The following BTRC variants were observed in gnomAD, a reference collection of about 807,000 sequenced individuals.
BTRC encodes F-box/WD repeat-containing protein 1A.
Under a neutral mutation model 85.5 loss-of-function variants are expected in BTRC, and 42 were observed. That is an observed-to-expected ratio of 0.49 (90% CI 0.38 to 0.64). The LOEUF (loss-of-function observed/expected upper bound fraction) is 0.64, where lower values mean the gene tolerates loss of function less well. BTRC is among the 30% of genes least tolerant of loss of function. The pLI is 0.00. For missense variants in BTRC, 594 were observed against 743.5 expected (o/e 0.80, Z 2.34); for synonymous variants, 255 against 263.3 (o/e 0.97, Z 0.30).
At chr10:101,355,904 A>C (rs1454443573) in intron 1 of BTRC, among the ~76,000 whole-genome samples, 3 of 152,214 alleles carry the variant, frequency 2.0e-5, no homozygotes, top group African/African-American at 7.2e-5. Context: ...TAAAATTCTA[A>C]ATATGAAGAA....
chr10:101,503,155 T>C (rs1167182777), intron 4 of BTRC, among the ~76,000 whole-genome samples: 1 of 152,174 alleles, frequency 6.6e-6, no homozygotes, highest in East Asian at 1.9e-4. Context: ...CAAATTATGA[T>C]TTTTTAATGA....
intron 2 of BTRC, among the ~76,000 whole-genome samples, chr10:101,459,985 G>A (rs1317259261): frequency 6.6e-6 from 1 of 152,092 alleles, no homozygotes; most frequent in Non-Finnish European, 1.5e-5. Context: ...CCAGCAAAAA[G>A]TAATTAGGCT....
intron 1 of BTRC, among the ~76,000 whole-genome samples, chr10:101,366,783 TA>T (rs1378392731): frequency 1.6e-4 from 17 of 103,182 alleles, no homozygotes; most frequent in African/African-American, 5.5e-4. Flanking sequence ...TATATATATA[TA>T]TATATTTTTA....
intron 1 of BTRC, among the ~76,000 whole-genome samples, chr10:101,406,681 G>A (rs953999914): frequency 2.0e-5 from 3 of 151,714 alleles, no homozygotes; most frequent in African/African-American, 4.8e-5. Context: ...TTACAGGCAC[G>A]TGCCATCACA....
intron 1 of BTRC, among the ~76,000 whole-genome samples, chr10:101,387,528 C>CTTTGTTTTTTTTTTTTTTTT (rs1943110850): frequency 2.2e-5 from 1 of 45,122 alleles, no homozygotes; most frequent in Non-Finnish European, 3.4e-5. Context: ...CTTCATGGGA[C>CTTTGTTTTTTTTTTTTTTTT]TTTTTTTTTT....
At chr10:101,530,636 C>G (rs2062265996) in intron 6 of BTRC, among the ~76,000 whole-genome samples, 1 of 152,120 alleles carries the variant, frequency 6.6e-6, no homozygotes, top group Non-Finnish European at 1.5e-5. Flanking sequence ...TGTACATATT[C>G]CATTTGTTTA....
intron 2 of BTRC, among the ~76,000 whole-genome samples, chr10:101,438,506 A>G: frequency 6.6e-6 from 1 of 151,284 alleles, no homozygotes; most frequent in East Asian, 1.9e-4. Context: ...TCTCACACAT[A>G]CACATACATA....
At chr10:101,382,291 T>C (rs979661808) in intron 1 of BTRC, among the ~76,000 whole-genome samples, 12 of 152,060 alleles carry the variant, frequency 7.9e-5, no homozygotes, top group African/African-American at 2.9e-4. Flanking sequence ...CCCCTAAGAA[T>C]GTCTTTTACA....
chr10:101,375,976 G>C (rs1473253953), intron 1 of BTRC, among the ~76,000 whole-genome samples: 4 of 152,164 alleles, frequency 2.6e-5, no homozygotes, highest in African/African-American at 9.7e-5. Flanking sequence ...CAGAGTAAAA[G>C]GTGAGGCCTT....
intron 2 of BTRC, among the ~76,000 whole-genome samples, chr10:101,451,213 A>G (rs778653912): frequency 4.6e-5 from 7 of 152,188 alleles, no homozygotes; most frequent in Non-Finnish European, 8.8e-5. Context: ...CAAAATTCGT[A>G]TAATCAGGTT....
chr10:101,468,446 A>T (rs1266354586), intron 3 of BTRC, among the ~76,000 whole-genome samples: 2 of 149,030 alleles, frequency 1.3e-5, no homozygotes, highest in African/African-American at 4.9e-5. Context: ...CATGAGCCCT[A>T]AAAAAAAAAT....
At chr10:101,507,181 C>A (rs1006219826) in intron 4 of BTRC, among the ~76,000 whole-genome samples, 1 of 152,052 alleles carries the variant, frequency 6.6e-6, no homozygotes, top group African/African-American at 2.4e-5. Flanking sequence ...ATCTTGTGAG[C>A]AAAGTTTTAA....
rs1016069397 is a variant in BTRC, at chr10:101,374,581, A to G, written c.48+20353A>G. On this transcript the variant is annotated intron_variant, in intron 1 of 14. Coordinates refer to ENST00000370187, the MANE Select transcript of BTRC (RefSeq NM_033637.4). ...CTCACTCATAGGTGGGAATTGAACA[A>G]TGAGATCACATGGACACAGGAAGGG... 4.4e-5 allele frequency among the ~76,000 whole-genome samples: 6 copies of G among 137,852 alleles called. No homozygotes were observed. In the East Asian group the frequency reaches 9.0e-4, roughly 21 times the overall value. The allele number at this position is 137,852 out of a possible 152,430, so 90.4% of individuals were successfully genotyped here.
intron 2 of BTRC, among the ~76,000 whole-genome samples, chr10:101,442,633 G>T (rs1291300910): frequency 6.6e-6 from 1 of 151,710 alleles, no homozygotes; most frequent in Non-Finnish European, 1.5e-5. Flanking sequence ...CCTTTAACTG[G>T]TGAAAAAAAA....
chr10:101,368,001 T>C (rs921308878), intron 1 of BTRC, among the ~76,000 whole-genome samples: 4 of 152,220 alleles, frequency 2.6e-5, no homozygotes, highest in African/African-American at 9.6e-5. Flanking sequence ...AATGTTTAGC[T>C]TTATGCTATG....
At chr10:101,356,329 T>C (rs747711288) in intron 1 of BTRC, among the ~76,000 whole-genome samples, 2 of 152,176 alleles carry the variant, frequency 1.3e-5, no homozygotes, top group Non-Finnish European at 2.9e-5. Flanking sequence ...AATCCTGACA[T>C]TTGTGTCAGA....
At chr10:101,502,277 G>C (rs1038537590) in intron 4 of BTRC, among the ~76,000 whole-genome samples, 3 of 152,008 alleles carry the variant, frequency 2.0e-5, no homozygotes, top group African/African-American at 7.3e-5. Context: ...TTAAAAATTA[G>C]AGTAATGCAC....
At chr10:101,404,940 G>A (rs1378904751) in intron 1 of BTRC, among the ~76,000 whole-genome samples, 2 of 149,618 alleles carry the variant, frequency 1.3e-5, no homozygotes, top group African/African-American at 5.0e-5. Context: ...AGAGCTTGCA[G>A]TGAGCCTAGA....
intron 1 of BTRC, among the ~76,000 whole-genome samples, chr10:101,389,019 G>A (rs567929187): frequency 2.0e-5 from 3 of 151,272 alleles, no homozygotes; most frequent in African/African-American, 7.3e-5. Context: ...ATTTCTAATG[G>A]GCTAATAGTC....
Sources: gnomAD v4.1 joint callset for allele counts (sites outside exome capture counted in the v4.1 genomes callset) on GRCh38, gnomAD v4.1.1 for gene constraint, MANE v1.5 for transcripts, NCBI Gene and HGNC (gene_info 2026-07-23, HGNC 2026-07-21) for gene names.